TUSC3: variants seen among roughly 807,000 people sequenced by gnomAD.
The protein encoded by TUSC3 is dolichyl-diphosphooligosaccharide--protein glycosyltransferase subunit TUSC3.
Under a neutral mutation model 44.8 loss-of-function variants are expected in TUSC3, and 45 were observed. That is an observed-to-expected ratio of 1.00 (90% CI 0.79 to 1.29). The LOEUF is 1.29. Ranked by LOEUF, TUSC3 falls within the 50% of genes most tolerant of loss-of-function variation. The pLI is 0.00. For synonymous variants in TUSC3, 212 were observed against 152.9 expected, an observed-to-expected ratio of 1.39 and a Z score of -2.85; for missense variants, 519 against 437.9, an observed-to-expected ratio of 1.19 and a Z score of -1.65.
chr8:15,688,913 G>A (rs143315033), intron 6 of TUSC3: 165 of 176,474 alleles, frequency 9.3e-4, no homozygotes, highest in Non-Finnish European at 1.7e-3. Context: ...CGGTTTGTCA[G>A]TGCACCAGGG....
intron 2 of TUSC3, among the ~76,000 whole-genome samples, chr8:15,643,857 AG>A (rs564327628): frequency 2.0e-5 from 3 of 152,190 alleles, no homozygotes; most frequent in Non-Finnish European, 4.4e-5. Flanking sequence ...CTTAAGTAAT[AG>A]GTGAGTGTGC....
chr8:15,475,580 G>A (rs1585058429), intron 1 of TUSC3, among the ~76,000 whole-genome samples: 2 of 152,112 alleles, frequency 1.3e-5, no homozygotes, highest in East Asian at 3.8e-4. Flanking sequence ...CTTCTATAGA[G>A]TTGAAAGAAA....
intron 5 of TUSC3, among the ~76,000 whole-genome samples, chr8:15,672,369 G>A (rs1485442115): frequency 1.3e-5 from 2 of 151,492 alleles, no homozygotes; most frequent in African/African-American, 4.8e-5. Context: ...CCAAAGCAAT[G>A]GACTTGCTCA....
At chr8:15,777,671 A>G in the TUSC3 span, among the ~76,000 whole-genome samples, 7 of 152,182 alleles carry the variant, frequency 4.6e-5, no homozygotes, top group Non-Finnish European at 7.3e-5. Context: ...TTCATAAGAC[A>G]AGTATACACT....
intron 2 of TUSC3, among the ~76,000 whole-genome samples, chr8:15,533,196 G>T (rs1801474415): frequency 6.6e-6 from 1 of 152,180 alleles, no homozygotes; most frequent in African/African-American, 2.4e-5. Context: ...CCATAATTGT[G>T]AGGCCTCCGC....
At chr8:15,785,798 G>A in the TUSC3 span, among the ~76,000 whole-genome samples, 1 of 148,312 alleles carries the variant, frequency 6.7e-6, no homozygotes, top group African/African-American at 2.4e-5. Context: ...CTACCATAAT[G>A]AGCTAACGTG....
At chr8:15,594,608 G>C (rs1803987758) in intron 1 of TUSC3, among the ~76,000 whole-genome samples, 1 of 151,990 alleles carries the variant, frequency 6.6e-6, no homozygotes, top group African/African-American at 2.4e-5. Context: ...TTCAGTGTAG[G>C]GATAATTATT....
the TUSC3 span, among the ~76,000 whole-genome samples, chr8:15,827,445 T>G: frequency 1.3e-5 from 2 of 152,124 alleles, no homozygotes; most frequent in East Asian, 3.9e-4. Context: ...TAGTGTTCAG[T>G]TTACATTGGG....
At chr8:15,609,921 TC>T (rs1392094078) in intron 1 of TUSC3, among the ~76,000 whole-genome samples, 1 of 152,104 alleles carries the variant, frequency 6.6e-6, no homozygotes, top group Admixed American at 6.6e-5. Flanking sequence ...CTTCTATCTT[TC>T]CACTTACTGT....
chr8:15,561,370 T>G (rs886071676), intron 1 of TUSC3, among the ~76,000 whole-genome samples: 1 of 143,034 alleles, frequency 7.0e-6, no homozygotes, highest in African/African-American at 2.6e-5. Context: ...TTCTCAGATC[T>G]CCAGCTGCGT....
intron 8 of TUSC3, among the ~76,000 whole-genome samples, chr8:15,745,398 T>C (rs1288373394): frequency 6.6e-6 from 1 of 152,112 alleles, no homozygotes; most frequent in East Asian, 1.9e-4. Context: ...TTTTCCACAG[T>C]AGCTGCTCTA....
chr8:15,605,937 C>T (rs1804505455), intron 1 of TUSC3, among the ~76,000 whole-genome samples: 1 of 152,026 alleles, frequency 6.6e-6, no homozygotes, highest in African/African-American at 2.4e-5. Context: ...TGCCTTATGA[C>T]ACTGATCATC....
At chr8:15,570,544 G>A (rs558275008) in intron 1 of TUSC3, among the ~76,000 whole-genome samples, 5 of 152,066 alleles carry the variant, frequency 3.3e-5, no homozygotes, top group African/African-American at 7.2e-5. Context: ...TTAATTAAGC[G>A]GATGCTACGA....
chr8:15,847,216 G>A, the TUSC3 span, among the ~76,000 whole-genome samples: 7 of 152,156 alleles, frequency 4.6e-5, no homozygotes, highest in African/African-American at 1.7e-4. Context: ...ACATATGTGA[G>A]GGTGTGTATG....
At chr8:15,514,752 G>A (rs1379001344) in intron 2 of TUSC3, among the ~76,000 whole-genome samples, 1 of 152,156 alleles carries the variant, frequency 6.6e-6, no homozygotes, top group Non-Finnish European at 1.5e-5. Context: ...AATCACAGAA[G>A]ATGGTGCTCA....
intron 2 of TUSC3, among the ~76,000 whole-genome samples, chr8:15,648,626 T>TGA (rs1806736908): frequency 6.9e-6 from 1 of 145,054 alleles, no homozygotes; most frequent in Non-Finnish European, 1.5e-5. Context: ...CTCGGGAGGC[T>TGA]GAGGCAGGAG....
intron 5 of TUSC3, among the ~76,000 whole-genome samples, chr8:15,663,841 C>T (rs1807534520): frequency 6.6e-6 from 1 of 151,750 alleles, no homozygotes; most frequent in African/African-American, 2.4e-5. Context: ...TAAAGCTACC[C>T]AGGTTTCCTG....
the TUSC3 span, among the ~76,000 whole-genome samples, chr8:15,838,433 A>G: frequency 2.0e-5 from 3 of 152,130 alleles, no homozygotes; most frequent in Admixed American, 1.3e-4. Flanking sequence ...ATATATCATG[A>G]CTGTGACCCA....
chr8:15,824,396 T>G, the TUSC3 span, among the ~76,000 whole-genome samples: 1 of 152,242 alleles, frequency 6.6e-6, no homozygotes, highest in South Asian at 2.1e-4. Context: ...ATATACAAAC[T>G]TGGTGCTAGG....
Sources: allele counts gnomAD v4.1 joint callset (sites outside exome capture counted in the v4.1 genomes callset), GRCh38; gene constraint gnomAD v4.1.1; transcripts MANE v1.5; gene names NCBI Gene and HGNC (gene_info 2026-07-23, HGNC 2026-07-21).